CYP4Z1: variants seen among roughly 807,000 people sequenced by gnomAD.
CYP4Z1 encodes cytochrome P450 family 4 subfamily Z member 1, also known as cytochrome P450 4Z1.
A neutral mutation model predicts 54.2 loss-of-function variants in CYP4Z1; 41 were observed. The ratio of observed to expected loss-of-function variants is 0.76; its 90% CI spans 0.59 to 0.98. The LOEUF is 0.98. Among genes scored for constraint, CYP4Z1 ranks in the 50% least tolerant of loss-of-function variants. The probability of loss-of-function intolerance (pLI) is 0.00; values close to 1 mark genes in which losing one functional copy is unlikely to be tolerated. For synonymous variants in CYP4Z1, 163 were observed against 206.2 expected, an observed-to-expected ratio of 0.79 and a Z score of 1.79; for missense variants, 513 against 599.0, an observed-to-expected ratio of 0.86 and a Z score of 1.50.
chr1:47,056,325 G>T, the CYP4Z1 span, among the ~76,000 whole-genome samples: 1 of 152,112 alleles, frequency 6.6e-6, no homozygotes, highest in Non-Finnish European at 1.5e-5. Context: ...TTGCTGAGGA[G>T]TGCTTTACTT....
rs751900894 is a variant in CYP4Z1 at position 47,084,711 on chromosome 1, C to A, written c.584C>A (p.Ala195Asp). 1 of 1,612,808 alleles carries A rather than the reference C, an allele frequency of 6.2e-7. No homozygotes were observed. Among genetic ancestry groups the A allele is most frequent in the Admixed American group, 1.7e-5 (1 of 59,852 alleles). The change falls in exon 5 of 12, where the codon GCC (alanine) becomes GAC (aspartate). Residue 195 changes from alanine (A) to aspartate (D), a missense_variant. Coordinates refer to ENST00000334194, the MANE Select transcript of CYP4Z1 (RefSeq NM_178134.3). ...LMTLDSIMKC[A>D]FSHQGSIQLD... The stretch of plus-strand genomic sequence containing the variant: ...ACCCTGGACAGCATCATGAAGTGTG[C>A]CTTCAGCCACCAGGGCAGCATCCAG...
At chr1:47,062,739 TGTG>T, upstream of CYP4Z1, among the ~76,000 whole-genome samples, 1 of 152,014 alleles carries the variant, frequency 6.6e-6, no homozygotes, top group African/African-American at 2.4e-5. Flanking sequence ...GACCCCACCT[TGTG>T]GTCTTTCTCT....
At chr1:47,092,607 C>T (rs1485174414) in intron 6 of CYP4Z1, among the ~76,000 whole-genome samples, 3 of 152,038 alleles carry the variant, frequency 2.0e-5, no homozygotes. Context: ...AATTAGGGGT[C>T]TTTACCAGAA....
Position 47,116,749 on chromosome 1 carries a change from G to A in CYP4Z1, c.1349+17G>A. The A allele has an allele frequency of 6.3e-7, 1 of 1,579,616 alleles. No individual in the cohort carries two copies. The highest frequency in any genetic ancestry group is 8.7e-7 in the Non-Finnish European group (1 of 1,152,652). On this transcript the variant is annotated intron_variant, in intron 11 of 11. Transcript: ENST00000334194. The stretch of plus-strand genomic sequence containing the variant: ...TGGATTAAGGTAAAGACTCAAGCTG[G>A]TGAACTTGATGGAAATGTGTAATAG...
chr1:47,073,069 A>C (rs1644493957), intron 2 of CYP4Z1, among the ~76,000 whole-genome samples: 2 of 110,138 alleles, frequency 1.8e-5, no homozygotes, highest in Non-Finnish European at 3.7e-5. Flanking sequence ...CAGAAACCTC[A>C]TACCAATTTT....
At chr1:47,113,291 G>A (rs1644806131) in intron 9 of CYP4Z1, among the ~76,000 whole-genome samples, 1 of 152,052 alleles carries the variant, frequency 6.6e-6, no homozygotes, top group Admixed American at 6.6e-5. Flanking sequence ...TTCCCCTACC[G>A]ATTTCATTAT....
At chr1:47,086,773 C>G (rs186988883) in intron 6 of CYP4Z1, among the ~76,000 whole-genome samples, 10 of 152,270 alleles carry the variant, frequency 6.6e-5, no homozygotes, top group African/African-American at 2.4e-4. Context: ...TTGCCCATGC[C>G]TATGTCCTGA....
chr1:47,079,526 C>T (rs1644548842), intron 2 of CYP4Z1, among the ~76,000 whole-genome samples: 1 of 152,224 alleles, frequency 6.6e-6, no homozygotes, highest in Non-Finnish European at 1.5e-5. Context: ...ACTTATTAGC[C>T]TTAAATGTAG....
chr1:47,082,557 C>T, intron 4 of CYP4Z1, 96 bp downstream of exon 4: 1 of 1,518,374 alleles, frequency 6.6e-7, no homozygotes, highest in African/African-American at 1.4e-5. Flanking sequence ...GAACCATGTT[C>T]ACAGCAGTTT....
the CYP4Z1 span, among the ~76,000 whole-genome samples, chr1:47,060,252 A>T: frequency 6.6e-6 from 1 of 152,234 alleles, no homozygotes; most frequent in Non-Finnish European, 1.5e-5. Context: ...TGTCCCACTT[A>T]AAAGGCAGAG....
intron 6 of CYP4Z1, among the ~76,000 whole-genome samples, chr1:47,086,146 G>A (rs1347989566): frequency 2.6e-5 from 4 of 152,072 alleles, no homozygotes; most frequent in Admixed American, 6.6e-5. Context: ...AAGTGCCACA[G>A]TAAACACACG....
intron 7 of CYP4Z1, among the ~76,000 whole-genome samples, chr1:47,098,508 T>C (rs1266388298): frequency 2.6e-5 from 4 of 152,250 alleles, no homozygotes; most frequent in Non-Finnish European, 4.4e-5. Context: ...GCAATCCCAT[T>C]TGGTAATACT....
intron 6 of CYP4Z1, among the ~76,000 whole-genome samples, chr1:47,089,920 T>C (rs1644626672): frequency 6.6e-6 from 1 of 152,282 alleles, no homozygotes; most frequent in South Asian, 2.1e-4. Context: ...GCAATATGAT[T>C]GGGAGAAATA....
rs147693904 is a variant in CYP4Z1 at position 47,094,593 on chromosome 1, C to G, written c.800C>G (p.Ser267Cys). 6 of 1,603,680 alleles carry G rather than the reference C, an allele frequency of 3.7e-6. No individual in the cohort carries two copies. The highest frequency in any genetic ancestry group is 1.7e-5 in the Admixed American group (1 of 57,506). Residue 267 changes from serine (S) to cysteine (C), a missense_variant, in exon 7 of 12, where the codon TCT becomes TGT. Transcript: ENST00000334194. The stretch of plus-strand genomic sequence containing the variant: ...AAAGTAATCCAGGACCGGAAGGAGT[C>G]TCTTAAGGATAAGCTAAAACAAGAT... The part of the protein sequence containing the change: ...TEKVIQDRKE[S>C]LKDKLKQDTT...
intron 1 of CYP4Z1, among the ~76,000 whole-genome samples, chr1:47,068,165 G>T (rs9793202): frequency 0.42 from 63,674 of 152,048 alleles, 14,680 homozygotes; most frequent in East Asian, 0.97. Flanking sequence ...TAAAGCATGA[G>T]TGGGTATATC....
At chr1:47,105,954 A>G (rs1644753942) in intron 8 of CYP4Z1, among the ~76,000 whole-genome samples, 174 bp from the exon 9 acceptor site, 2 of 152,144 alleles carry the variant, frequency 1.3e-5, no homozygotes, top group African/African-American at 4.8e-5. Context: ...ACATGTGAAA[A>G]GTGGTAAGTG....
intron 9 of CYP4Z1, among the ~76,000 whole-genome samples, chr1:47,108,693 G>T (rs1326677860): frequency 6.6e-6 from 1 of 152,090 alleles, no homozygotes; most frequent in East Asian, 1.9e-4. Flanking sequence ...TTAAACATTT[G>T]CTCTAGGCAC....
the CYP4Z1 span, among the ~76,000 whole-genome samples, chr1:47,056,317 G>A: frequency 6.6e-6 from 1 of 152,102 alleles, no homozygotes; most frequent in African/African-American, 2.4e-5. Flanking sequence ...TTTTACATTT[G>A]CTGAGGAGTG....
intron 8 of CYP4Z1, among the ~76,000 whole-genome samples, chr1:47,102,241 A>G (rs1644726941): frequency 6.6e-6 from 1 of 152,206 alleles, no homozygotes. Context: ...TTTTAATTCC[A>G]TTACATTCAA....
Sources: allele counts gnomAD v4.1 joint callset (sites outside exome capture counted in the v4.1 genomes callset), GRCh38; gene constraint gnomAD v4.1.1; transcripts MANE v1.5; gene names NCBI Gene and HGNC (gene_info 2026-07-23, HGNC 2026-07-21).